The following SLC35F1 variants were observed in gnomAD, a reference collection of about 807,000 sequenced individuals.
SLC35F1 encodes chromosome 6 open reading frame 169.
Under a neutral mutation model 48.7 loss-of-function variants are expected in SLC35F1, and 14 were observed. The ratio of observed to expected loss-of-function variants is 0.29; its 90% CI spans 0.19 to 0.45. The LOEUF (loss-of-function observed/expected upper bound fraction) is 0.45, where lower values mean the gene tolerates loss of function less well. SLC35F1 is among the 20% of genes least tolerant of loss of function. The probability of loss-of-function intolerance (pLI) is 1.00; values close to 1 mark genes in which losing one functional copy is unlikely to be tolerated. For synonymous variants in SLC35F1, 190 were observed against 202.2 expected, an observed-to-expected ratio of 0.94 and a Z score of 0.51; for missense variants, 404 against 500.0, an observed-to-expected ratio of 0.81 and a Z score of 1.83.
At chr6:118,021,690 TCCCAAGA>T (rs1337496808) in intron 1 of SLC35F1, among the ~76,000 whole-genome samples, 1 of 152,168 alleles carries the variant, frequency 6.6e-6, no homozygotes. Flanking sequence ...TAACAAACCA[TCCCAAGA>T]CATAATGGCT....
intron 1 of SLC35F1, among the ~76,000 whole-genome samples, chr6:118,075,981 C>A (rs1772811713): frequency 6.6e-6 from 1 of 152,180 alleles, no homozygotes; most frequent in South Asian, 2.1e-4. Context: ...GAAGCAGATA[C>A]CTGCCAGGTA....
At chr6:117,997,149 C>T (rs563669626) in intron 1 of SLC35F1, among the ~76,000 whole-genome samples, 11 of 151,916 alleles carry the variant, frequency 7.2e-5, no homozygotes, top group African/African-American at 1.2e-4. Context: ...GCAGCTGATG[C>T]GATCAACTGG....
rs73530042 is a variant in SLC35F1 at position 118,250,577 on chromosome 6, G to A, written c.477+14941G>A. ...CAGGGGGCACCTAATCTGGATTTAGGGAGCCAGAGAGGGCTTCCTGGAGGA... is the reference window on the plus strand; with the variant it reads ...CAGGGGGCACCTAATCTGGATTTAGAGAGCCAGAGAGGGCTTCCTGGAGGA... On this transcript the variant is annotated intron_variant, in intron 3 of 7. Coordinates refer to ENST00000360388, the MANE Select transcript of SLC35F1 (RefSeq NM_001029858.4). Among the ~76,000 whole-genome samples, 1,374 of 152,316 alleles carry A rather than the reference G, an allele frequency of 9.0e-3. 24 individuals are homozygous for A. The highest frequency in any genetic ancestry group is 0.032 in the African/African-American group (1,310 of 41,568).
At chr6:118,011,103 T>A (rs564878520) in intron 1 of SLC35F1, among the ~76,000 whole-genome samples, 3 of 152,284 alleles carry the variant, frequency 2.0e-5, no homozygotes, top group African/African-American at 7.2e-5. Context: ...GACAGTTTTG[T>A]GGTAGACAGT....
At chr6:118,297,711 A>AT (rs1776208371) in intron 7 of SLC35F1, among the ~76,000 whole-genome samples, 1 of 139,000 alleles carries the variant, frequency 7.2e-6, no homozygotes, top group South Asian at 2.2e-4. Context: ...AAGTTCTGAG[A>AT]AATATATATT....
intron 1 of SLC35F1, among the ~76,000 whole-genome samples, chr6:118,005,833 A>G (rs540737243): frequency 7.2e-5 from 11 of 152,136 alleles, no homozygotes; most frequent in Non-Finnish European, 1.0e-4. Context: ...CAGCTCCTCT[A>G]TGAATCCTCC....
chr6:118,213,819 C>T lies in SLC35F1; in HGVS notation c.350-21690C>T, dbSNP rs1199630775. On this transcript the variant is annotated intron_variant, in intron 2 of 7. Coordinates refer to ENST00000360388, the MANE Select transcript of SLC35F1 (RefSeq NM_001029858.4). ...ATATGCATATGCATGTGTATAAAAA[C>T]AAAAATGGTTTGCAAGGCAATTCAT... is the stretch of plus-strand genomic sequence containing the variant. Among the ~76,000 whole-genome samples the T allele has an allele frequency of 7.9e-5, 12 of 152,082 alleles. No homozygotes were observed. The East Asian group carries it at 2.1e-3, about 27-fold the overall frequency.
rs187460605 is a variant in SLC35F1, at chr6:118,162,137, T to A, written c.349+7517T>A. The stretch of plus-strand genomic sequence containing the variant: ...AAGTGCCCATCAGCTTATGAAAGGA[T>A]AAAAAAATTACAGTTAATTCATGCA... On this transcript the variant is annotated intron_variant, in intron 2 of 7. Transcript: ENST00000360388. Among the ~76,000 whole-genome samples, 609 of 152,214 alleles carry A rather than the reference T, an allele frequency of 4.0e-3. 7 individuals carry two copies. Among genetic ancestry groups the A allele is most frequent in the African/African-American group, 0.014 (572 of 41,528 alleles).
intron 1 of SLC35F1, among the ~76,000 whole-genome samples, chr6:117,961,842 C>T (rs1174695297): frequency 2.0e-5 from 3 of 152,162 alleles, no homozygotes; most frequent in African/African-American, 7.2e-5. Context: ...CAATCAATAG[C>T]TCTTCCTATA....
At chr6:118,037,497 A>G (rs891474068) in intron 1 of SLC35F1, among the ~76,000 whole-genome samples, 4 of 152,160 alleles carry the variant, frequency 2.6e-5, no homozygotes, top group African/African-American at 9.6e-5. Flanking sequence ...GCTTTTGGCT[A>G]TAACAATTTG....
chr6:118,277,708 G>A (rs915855595), intron 6 of SLC35F1, among the ~76,000 whole-genome samples, 162 bp downstream of exon 6: 1 of 152,182 alleles, frequency 6.6e-6, no homozygotes, highest in Non-Finnish European at 1.5e-5. Context: ...TGCACACTCT[G>A]AGAGACTAAA....
chr6:118,239,403 CA>C (rs1775407363), intron 3 of SLC35F1, among the ~76,000 whole-genome samples: 1 of 151,428 alleles, frequency 6.6e-6, no homozygotes, highest in South Asian at 2.1e-4. Context: ...AGCTTCACAC[CA>C]AAACTGGACC....
chr6:118,029,871 T>C (rs1772020132), intron 1 of SLC35F1, among the ~76,000 whole-genome samples: 1 of 152,228 alleles, frequency 6.6e-6, no homozygotes, highest in Non-Finnish European at 1.5e-5. Context: ...TGCCACAGTT[T>C]CCTACTTACT....
Position 117,907,635 on chromosome 6 carries a change from G to A in SLC35F1, c.-92G>A, listed in dbSNP as rs549509606. The A allele has an allele frequency of 1.8e-4, 129 of 705,984 alleles. No individual in the cohort carries two copies. In the African/African-American group the frequency reaches 2.2e-3, roughly 12 times the overall value. 43.7% of individuals were successfully genotyped at this position (705,984 alleles called of 1,614,324 possible). A position where few individuals can be genotyped will look rare whatever the true frequency, so the allele number is the denominator to read the frequency against. On this transcript the variant is annotated 5_prime_UTR_variant, in exon 1 of 8. Transcript: ENST00000360388. ...ACCGCCTCCCGGGCCGCGGCCGCCC[G>A]GCCGGGTCCTCTGCGCGTTCCCGGG...
chr6:118,267,159 G>A lies in SLC35F1; in HGVS notation c.637+5G>A, dbSNP rs762840766. ...TGGGAAGACATCAGGGAGCAGGTGA[G>A]TCTTCGGATGTTCACCAGGTTCCTT... On this transcript the variant is annotated splice_donor_5th_base_variant and intron_variant, in intron 4 of 7. Transcript: ENST00000360388. The A allele has an allele frequency of 1.2e-6, 2 of 1,613,820 alleles. No homozygotes were observed. The highest frequency in any genetic ancestry group is 1.7e-6 in the Non-Finnish European group (2 of 1,179,774).
intron 2 of SLC35F1, among the ~76,000 whole-genome samples, chr6:118,230,533 A>G (rs1459604894): frequency 1.3e-5 from 2 of 152,192 alleles, no homozygotes; most frequent in Non-Finnish European, 2.9e-5. Context: ...TAAAACAAGG[A>G]TAAGCCATGA....
intron 1 of SLC35F1, among the ~76,000 whole-genome samples, chr6:117,983,412 TA>T: frequency 6.6e-6 from 1 of 151,994 alleles, no homozygotes; most frequent in Non-Finnish European, 1.5e-5. Context: ...CCGTCTCTAC[TA>T]AAAATACAAA....
At chr6:117,963,745 G>A (rs924969631) in intron 1 of SLC35F1, among the ~76,000 whole-genome samples, 2 of 151,968 alleles carry the variant, frequency 1.3e-5, no homozygotes, top group Non-Finnish European at 2.9e-5. Context: ...CCTTACTTTG[G>A]TTGGGTATAA....
At chr6:118,174,707 C>G (rs1052216165) in intron 2 of SLC35F1, among the ~76,000 whole-genome samples, 3 of 151,920 alleles carry the variant, frequency 2.0e-5, no homozygotes, top group Non-Finnish European at 4.4e-5. Flanking sequence ...CTCAGCAAAT[C>G]CCAAGCAGAA....
Sources: allele counts gnomAD v4.1 joint callset (sites outside exome capture counted in the v4.1 genomes callset), GRCh38; gene constraint gnomAD v4.1.1; transcripts MANE v1.5; gene names NCBI Gene and HGNC (gene_info 2026-07-23, HGNC 2026-07-21).